Variants in ARHGAP6 observed in about 807,000 individuals in gnomAD.
ARHGAP6 encodes the protein rho GTPase-activating protein 6.
A neutral mutation model predicts 55.7 loss-of-function variants in ARHGAP6; 16 were observed. That is an observed-to-expected ratio of 0.29 (90% CI 0.19 to 0.44). The LOEUF (loss-of-function observed/expected upper bound fraction) is 0.44, where lower values mean the gene tolerates loss of function less well. Among genes scored for constraint, ARHGAP6 ranks in the 20% least tolerant of loss-of-function variants. The pLI is 1.00. For synonymous variants in ARHGAP6, 382 were observed against 360.9 expected (o/e 1.06, Z -0.66); for missense variants, 698 against 808.9 (o/e 0.86, Z 1.66).
At chrX:11,411,183 TTATATATATATATATATATA>T (rs201875323) in intron 1 of ARHGAP6, among the ~76,000 whole-genome samples, 774 of 31,798 alleles carry the variant, frequency 0.024, 47 homozygotes, top group African/African-American at 0.069. Flanking sequence ...CAGACATTAT[TTATATATATATATATATATA>T]TATATATATA....
intron 1 of ARHGAP6, among the ~76,000 whole-genome samples, chrX:11,544,290 A>T (rs1160442179): frequency 1.8e-5 from 2 of 112,654 alleles, no homozygotes; most frequent in Non-Finnish European, 3.7e-5. Context: ...TAGTGGCCCA[A>T]TGTTTATTTA....
chrX:11,477,926 T>C (rs748724635), intron 1 of ARHGAP6, among the ~76,000 whole-genome samples: 1 of 111,956 alleles, frequency 8.9e-6, no homozygotes, highest in East Asian at 2.8e-4. Context: ...GTTACATGGA[T>C]ATATATACCT....
At chrX:11,511,564 G>T (rs747254474) in intron 1 of ARHGAP6, among the ~76,000 whole-genome samples, 1 of 112,189 alleles carries the variant, frequency 8.9e-6, no homozygotes, top group South Asian at 3.7e-4. Context: ...AGACAACATC[G>T]TTCCATAAAG....
At chrX:11,266,060 TGTGTGTGTGTGTGAGAGA>T in intron 1 of ARHGAP6, 2 of 424,205 alleles carry the variant, frequency 4.7e-6, no homozygotes, top group Non-Finnish European at 6.0e-6. Flanking sequence ...TGTGTGTGTG[TGTGTGTGTGTGTGAGAGA>T]GAGAGAGAGA....
At chrX:11,209,030 C>T (rs138959001) in intron 2 of ARHGAP6, among the ~76,000 whole-genome samples, 1,453 of 111,529 alleles carry the variant, frequency 0.013, 34 homozygotes, top group African/African-American at 0.045. Context: ...GAAAAGGGAG[C>T]CTTTATTATG....
At chrX:11,511,045 G>C (rs190042609) in intron 1 of ARHGAP6, among the ~76,000 whole-genome samples, 174 of 111,604 alleles carry the variant, frequency 1.6e-3, no homozygotes, top group Non-Finnish European at 2.7e-3. Context: ...TTTTGAAGTG[G>C]TTTACTATGC....
At chrX:11,454,110 A>ATTTTTTTTTTTTTTTTTTTTT (rs1187605203) in intron 1 of ARHGAP6, among the ~76,000 whole-genome samples, 2 of 76,854 alleles carry the variant, frequency 2.6e-5, no homozygotes, top group African/African-American at 5.2e-5. Flanking sequence ...CGCACGGCTA[A>ATTTTTTTTTTTTTTTTTTTTT]TTTTTTTTTT....
chrX:11,244,391 G>A (rs1418400286), intron 2 of ARHGAP6, among the ~76,000 whole-genome samples: 2 of 111,464 alleles, frequency 1.8e-5, no homozygotes, highest in Non-Finnish European at 3.8e-5. Context: ...GACTGGCTAT[G>A]GCCCATGAGC....
At chrX:11,427,322 GA>G (rs766438932) in intron 1 of ARHGAP6, among the ~76,000 whole-genome samples, 69 of 112,362 alleles carry the variant, frequency 6.1e-4, no homozygotes, top group Non-Finnish European at 1.3e-3. Context: ...TTGGGGCAAA[GA>G]AACACTGAAT....
At chrX:11,329,805 T>A (rs1401757464) in intron 1 of ARHGAP6, among the ~76,000 whole-genome samples, 1 of 112,557 alleles carries the variant, frequency 8.9e-6, no homozygotes, top group African/African-American at 3.2e-5. Flanking sequence ...TGGTACAGCC[T>A]ATTGCTCCTG....
At chrX:11,163,945 T>G (rs780203113) in intron 9 of ARHGAP6, among the ~76,000 whole-genome samples, 1 of 110,995 alleles carries the variant, frequency 9.0e-6, no homozygotes, top group Non-Finnish European at 1.9e-5. Context: ...GGTTCAGGCA[T>G]AATTTGCTTC....
chrX:11,641,668 A>C (rs1478423161), intron 1 of ARHGAP6, among the ~76,000 whole-genome samples: 1 of 111,960 alleles, frequency 8.9e-6, no homozygotes, highest in Non-Finnish European at 1.9e-5. Flanking sequence ...ACGCATTATA[A>C]ATATTTCCAC....
In ARHGAP6 at chrX:11,316,299, A is replaced by G. The variant is rs1015601891; in HGVS notation, c.589-61592T>C. On this transcript the variant is annotated intron_variant, in intron 1 of 12. Transcript: ENST00000337414. Reference sequence around the variant, plus strand: ...GATTGTCAATAAGCCACTTCCAGTCATATCCTTTTCTAGAAAGATATTAAT... The same window carrying G: ...GATTGTCAATAAGCCACTTCCAGTCGTATCCTTTTCTAGAAAGATATTAAT... Among the ~76,000 whole-genome samples the G allele has an allele frequency of 4.5e-5, 5 of 112,278 alleles. No homozygotes were observed. In the Admixed American group the frequency reaches 4.7e-4, roughly 11 times the overall value.
chrX:11,411,406 A>G (rs1381736136), intron 1 of ARHGAP6, among the ~76,000 whole-genome samples: 1 of 107,279 alleles, frequency 9.3e-6, no homozygotes, highest in Non-Finnish European at 1.9e-5. Flanking sequence ...CAATTCAATG[A>G]TATTTTAGTA....
At chrX:11,511,385 G>A (rs2050783787) in intron 1 of ARHGAP6, among the ~76,000 whole-genome samples, 1 of 112,219 alleles carries the variant, frequency 8.9e-6, no homozygotes, top group African/African-American at 3.2e-5. Flanking sequence ...GATTGATACT[G>A]CACCCAGAGA....
At chrX:11,422,827 G>T (rs1282541258) in intron 1 of ARHGAP6, among the ~76,000 whole-genome samples, 1 of 112,388 alleles carries the variant, frequency 8.9e-6, no homozygotes, top group African/African-American at 3.2e-5. Context: ...CATCCAACAG[G>T]AATCTGATTT....
intron 1 of ARHGAP6, among the ~76,000 whole-genome samples, chrX:11,369,905 A>T: frequency 8.9e-6 from 1 of 112,594 alleles, no homozygotes; most frequent in Non-Finnish European, 1.9e-5. Flanking sequence ...GATATGCTAA[A>T]CTATCAAGTT....
chrX:11,259,048 C>T (rs1297877459), intron 1 of ARHGAP6, among the ~76,000 whole-genome samples: 2 of 111,660 alleles, frequency 1.8e-5, no homozygotes, highest in Non-Finnish European at 3.8e-5. Flanking sequence ...TGACTATAGT[C>T]ACCCTGTTGT....
At chrX:11,185,734 G>A (rs765251811) in intron 5 of ARHGAP6, among the ~76,000 whole-genome samples, 1 of 111,974 alleles carries the variant, frequency 8.9e-6, no homozygotes, top group Admixed American at 9.5e-5. Flanking sequence ...ATTTTAAGTG[G>A]ACAGCTTCCA....
Sources: gnomAD v4.1 joint callset for allele counts (sites outside exome capture counted in the v4.1 genomes callset) on GRCh38, gnomAD v4.1.1 for gene constraint, MANE v1.5 for transcripts, NCBI Gene and HGNC (gene_info 2026-07-23, HGNC 2026-07-21) for gene names.